SLC2A13: variants seen among roughly 807,000 people sequenced by gnomAD.
SLC2A13 encodes the protein solute carrier family 2 member 13.
A neutral mutation model predicts 64.4 loss-of-function variants in SLC2A13; 32 were observed. That is an observed-to-expected ratio of 0.50 (90% CI 0.37 to 0.67). The LOEUF (loss-of-function observed/expected upper bound fraction) is 0.67, where lower values mean the gene tolerates loss of function less well. Ranked by LOEUF, SLC2A13 falls within the 30% of genes least tolerant of loss-of-function variation. SLC2A13 has a pLI of 0.00. For missense variants in SLC2A13, 743 were observed against 829.2 expected, an observed-to-expected ratio of 0.90 and a Z score of 1.28; for synonymous variants, 338 against 327.1, an observed-to-expected ratio of 1.03 and a Z score of -0.36.
chr12:40,072,259 C>T (rs1354741677), intron 1 of SLC2A13, among the ~76,000 whole-genome samples: 1 of 152,056 alleles, frequency 6.6e-6, no homozygotes, highest in African/African-American at 2.4e-5. Context: ...AGCCTAAGGA[C>T]AGTTATTATA....
At chr12:39,958,218 G>C (rs10877836) in intron 3 of SLC2A13, among the ~76,000 whole-genome samples, 13,473 of 152,024 alleles carry the variant, frequency 0.089, 742 homozygotes, top group East Asian at 0.2. Context: ...ACAAAACATT[G>C]GAAAGATTTC....
intron 9 of SLC2A13, among the ~76,000 whole-genome samples, chr12:39,762,499 T>A (rs1566757437): frequency 6.7e-6 from 1 of 148,766 alleles, no homozygotes; most frequent in African/African-American, 2.5e-5. Flanking sequence ...GGCATATTGG[T>A]GATATAGCAA....
At chr12:39,812,197 A>C (rs6581357) in intron 7 of SLC2A13, among the ~76,000 whole-genome samples, 117,421 of 151,832 alleles carry the variant, frequency 0.77, 45,668 homozygotes, top group Non-Finnish European at 0.82. Context: ...CTGTGCCCTC[A>C]CATGGTAGAA....
At chr12:40,024,809 A>G (rs28370678) in intron 3 of SLC2A13, among the ~76,000 whole-genome samples, 59 of 152,244 alleles carry the variant, frequency 3.9e-4, no homozygotes, top group Non-Finnish European at 7.1e-4. Context: ...TCAAAATCCT[A>G]AAAAAACAGA....
intron 7 of SLC2A13, among the ~76,000 whole-genome samples, chr12:39,811,726 A>C (rs908255583): frequency 6.6e-6 from 1 of 152,192 alleles, no homozygotes; most frequent in Non-Finnish European, 1.5e-5. Context: ...CATCCTTCTT[A>C]ATCTCTGATA....
rs17461103 is a variant in SLC2A13, at chr12:40,092,085, G to T, written c.556+13168C>A. Among the ~76,000 whole-genome samples the T allele has an allele frequency of 3.1e-3, 471 of 152,264 alleles. 5 individuals are homozygous for T. Among genetic ancestry groups the T allele is most frequent in the East Asian group, 0.026 (137 of 5,182 alleles). On this transcript the variant is annotated intron_variant, in intron 1 of 9. Transcript: ENST00000280871. ...TGACATATGAGTATCACTATGGGCA[G>T]TAATAGAGGTGTCATAGAGAGAGGT... is the stretch of plus-strand genomic sequence containing the variant.
intron 7 of SLC2A13, among the ~76,000 whole-genome samples, chr12:39,800,210 G>C (rs1305513770): frequency 6.6e-6 from 1 of 152,132 alleles, no homozygotes; most frequent in Non-Finnish European, 1.5e-5. Context: ...GACGTGCTTT[G>C]AATGAAAACA....
chr12:39,994,297 C>T (rs1319214944), intron 3 of SLC2A13, among the ~76,000 whole-genome samples: 1 of 150,966 alleles, frequency 6.6e-6, no homozygotes, highest in African/African-American at 2.4e-5. Context: ...GCAGGAGAAT[C>T]GCTTGAACCC....
At chr12:40,072,353 T>A (rs1027595015) in intron 1 of SLC2A13, among the ~76,000 whole-genome samples, 1 of 152,130 alleles carries the variant, frequency 6.6e-6, no homozygotes, top group African/African-American at 2.4e-5. Context: ...TAGGGAAGAA[T>A]GTGTATTCTG....
intron 3 of SLC2A13, among the ~76,000 whole-genome samples, chr12:39,995,575 A>G (rs1482926089): frequency 6.6e-6 from 1 of 152,198 alleles, no homozygotes; most frequent in African/African-American, 2.4e-5. Flanking sequence ...ATATCAAACT[A>G]TTAAAGATAT....
chr12:39,762,415 A>G (rs1940189221), intron 9 of SLC2A13, among the ~76,000 whole-genome samples: 1 of 121,816 alleles, frequency 8.2e-6, no homozygotes, highest in Non-Finnish European at 1.8e-5. Flanking sequence ...ACACAAATTG[A>G]CTACCTCAAG....
At chr12:39,829,068 G>T (rs573587677) in intron 7 of SLC2A13, among the ~76,000 whole-genome samples, 1 of 150,916 alleles carries the variant, frequency 6.6e-6, no homozygotes. Flanking sequence ...TCAGTACTAT[G>T]AGTAGACAAG....
At chr12:39,913,133 C>T (rs1028041593) in intron 4 of SLC2A13, among the ~76,000 whole-genome samples, 11 of 151,766 alleles carry the variant, frequency 7.2e-5, no homozygotes, top group African/African-American at 2.7e-4. Context: ...AAGCAAAAAA[C>T]ATATAGAATG....
intron 1 of SLC2A13, among the ~76,000 whole-genome samples, chr12:40,104,673 A>G (rs1451010249): frequency 1.3e-5 from 2 of 152,266 alleles, no homozygotes; most frequent in Non-Finnish European, 2.9e-5. Context: ...TAGAAAAAGC[A>G]TAAAAGCAAA....
intron 7 of SLC2A13, among the ~76,000 whole-genome samples, chr12:39,825,616 C>T (rs934136794): frequency 3.5e-4 from 53 of 152,246 alleles, no homozygotes; most frequent in African/African-American, 1.2e-3. Context: ...CTGGAGAACA[C>T]GGTTCATAGT....
At chr12:39,839,319 A>C (rs1233179109) in intron 6 of SLC2A13, among the ~76,000 whole-genome samples, 2 of 151,968 alleles carry the variant, frequency 1.3e-5, no homozygotes, top group Non-Finnish European at 2.9e-5. Context: ...ATGTCGGTTG[A>C]TTTCCTCTCC....
At chr12:39,854,378 G>C (rs1341623581) in intron 6 of SLC2A13, among the ~76,000 whole-genome samples, 6 of 152,108 alleles carry the variant, frequency 3.9e-5, no homozygotes, top group Non-Finnish European at 7.4e-5. Flanking sequence ...AAAATAAAAA[G>C]CCTGCTTAGA....
intron 3 of SLC2A13, among the ~76,000 whole-genome samples, chr12:39,979,504 G>C (rs990632208): frequency 3.3e-5 from 5 of 149,414 alleles, no homozygotes; most frequent in African/African-American, 1.2e-4. Context: ...GAAAGCCAAG[G>C]CTCGAGAACT....
At chr12:39,919,142 C>T (rs922160106) in intron 4 of SLC2A13, among the ~76,000 whole-genome samples, 2 of 152,046 alleles carry the variant, frequency 1.3e-5, no homozygotes, top group Non-Finnish European at 2.9e-5. Flanking sequence ...GCCACCACAC[C>T]TGCATACATA....
Sources: gnomAD v4.1 joint callset for allele counts (sites outside exome capture counted in the v4.1 genomes callset) on GRCh38, gnomAD v4.1.1 for gene constraint, MANE v1.5 for transcripts, NCBI Gene and HGNC (gene_info 2026-07-23, HGNC 2026-07-21) for gene names.